ABCA3: variants seen among roughly 807,000 people sequenced by gnomAD.
The protein encoded by ABCA3 is phospholipid-transporting ATPase ABCA3.
In ABCA3, 88 loss-of-function variants were observed where a neutral mutation model predicts 172.8. The observed-to-expected ratio is 0.51, with a 90% CI of 0.43 to 0.61. ABCA3 has a LOEUF of 0.61. ABCA3 is among the 20% of genes least tolerant of loss of function. The pLI, the probability that ABCA3 is intolerant of heterozygous loss-of-function variation, is 0.00. For missense variants in ABCA3, 2,164 were observed against 2,301.0 expected, an observed-to-expected ratio of 0.94 and a Z score of 1.22; for synonymous variants, 1,066 against 983.8, an observed-to-expected ratio of 1.08 and a Z score of -1.56.
chr16:2,302,642 T>C (rs2093691308), intron 12 of ABCA3, among the ~76,000 whole-genome samples: 1 of 151,848 alleles, frequency 6.6e-6, no homozygotes, highest in South Asian at 2.1e-4. Context: ...GCCTGGCTAA[T>C]TTTTTAAATT....
Position 2,279,224 on chromosome 16 carries a change from C to T in ABCA3, c.4360-94G>A. Reference sequence around the variant, plus strand: ...GGGACTACCCTTGAGGTGCCCACCACTGCGCCTGTCTGTGGTTCCTGCCAG... The same window carrying T: ...GGGACTACCCTTGAGGTGCCCACCATTGCGCCTGTCTGTGGTTCCTGCCAG... On this transcript the variant is annotated intron_variant, in intron 28 of 32. Coordinates refer to ENST00000301732, the MANE Select transcript of ABCA3 (RefSeq NM_001089.3). This position sits in a 1 kb window ranked among gnomAD's most constrained non-coding sequence, Gnocchi z 4.4. The T allele has an allele frequency of 1.4e-6, 2 of 1,422,438 alleles. No homozygotes were observed. Among genetic ancestry groups the T allele is most frequent in the Non-Finnish European group, 9.6e-7 (1 of 1,038,342 alleles). 88.1% of individuals were successfully genotyped at this position (1,422,438 alleles called of 1,614,324 possible).
intron 10 of ABCA3, among the ~76,000 whole-genome samples, chr16:2,315,368 G>A (rs2093713604): frequency 6.6e-6 from 1 of 152,110 alleles, no homozygotes. Context: ...TCCCACTAAC[G>A]ATGAGTATCG....
chr16:2,295,564 G>A, intron 18 of ABCA3, 26 bp downstream of exon 18: 6 of 1,608,912 alleles, frequency 3.7e-6, no homozygotes, highest in Non-Finnish European at 5.1e-6. Context: ...ATGTATACCT[G>A]TGCGTGCCCT....
At chr16:2,338,716 G>C (rs367655559) in intron 1 of ABCA3, among the ~76,000 whole-genome samples, 28 of 149,674 alleles carry the variant, frequency 1.9e-4, no homozygotes, top group African/African-American at 6.4e-4. Context: ...TCTATCCTAA[G>C]ACCCCTCCAA....
At position 2,299,388 on chromosome 16, in the gene ABCA3, G is replaced by A. The variant is rs2093685298; in HGVS notation, c.1741+15C>T. The A allele has an allele frequency of 6.2e-7, 1 of 1,613,176 alleles. No individual in the cohort carries two copies. Among genetic ancestry groups the A allele is most frequent in the South Asian group, 1.1e-5 (1 of 91,082 alleles). The stretch of plus-strand genomic sequence containing the variant: ...GGCCTGCTGGTGGCAGGGGCGTGAG[G>A]CGCCTGGCCCTCACCTGTGAGCATG... On this transcript the variant is annotated intron_variant, in intron 14 of 32. Coordinates refer to ENST00000301732, the MANE Select transcript of ABCA3 (RefSeq NM_001089.3).
Position 2,284,171 on chromosome 16 carries a change from C to T in ABCA3, c.3862+108G>A. ...AGGCGGTACAGAGGAACGCACCAGC[C>T]CCAGGCCACTCAGACGCAGAGGAGC... On this transcript the variant is annotated intron_variant, in intron 25 of 32. Coordinates refer to ENST00000301732, the MANE Select transcript of ABCA3 (RefSeq NM_001089.3). The surrounding 1 kb of genome is among the most constrained non-coding windows in gnomAD (Gnocchi z 5.9). 7.2e-7 allele frequency: 1 copy of T among 1,392,850 alleles called. No individual in the cohort carries two copies. The highest frequency in any genetic ancestry group is 9.7e-7 in the Non-Finnish European group (1 of 1,035,046). The allele number at this position is 1,392,850 out of a possible 1,614,324, so 86.3% of individuals were successfully genotyped here.
intron 11 of ABCA3, among the ~76,000 whole-genome samples, chr16:2,306,203 G>C (rs972914074): frequency 6.6e-6 from 1 of 152,060 alleles, no homozygotes; most frequent in Non-Finnish European, 1.5e-5. Flanking sequence ...GCACGTGCCT[G>C]TAGTCCAGCT....
At chr16:2,300,561 T>C (rs1251999604) in intron 12 of ABCA3, among the ~76,000 whole-genome samples, 16 of 152,182 alleles carry the variant, frequency 1.1e-4, no homozygotes, top group Non-Finnish European at 8.8e-5. Context: ...CATGAGTTCA[T>C]GACTGTAAGC....
rs1176422619 is a variant in ABCA3, at chr16:2,279,815, C to T, written c.4360-685G>A. Among the ~76,000 whole-genome samples, 1 of 151,212 alleles carries T rather than the reference C, an allele frequency of 6.6e-6. No individual in the cohort carries two copies. Among genetic ancestry groups the T allele is most frequent in the East Asian group, 2.0e-4 (1 of 5,120 alleles). Reference sequence around the variant, plus strand: ...CTGGTAGAGCGCAGTGGCATGATCTCGGCTCACTACAACCTCTGCCTCCCA... The same window carrying T: ...CTGGTAGAGCGCAGTGGCATGATCTTGGCTCACTACAACCTCTGCCTCCCA... On this transcript the variant is annotated intron_variant, in intron 28 of 32. Transcript: ENST00000301732. This position sits in a 1 kb window ranked among gnomAD's most constrained non-coding sequence, Gnocchi z 4.4.
chr16:2,298,594 C>T, intron 14 of ABCA3, 54 bp from the exon 15 acceptor site: 1 of 1,601,718 alleles, frequency 6.2e-7, no homozygotes, highest in Non-Finnish European at 8.5e-7. Context: ...CTCGTCAGCA[C>T]CCGCGGTAAT....
intron 1 of ABCA3, among the ~76,000 whole-genome samples, chr16:2,335,764 A>G (rs533107704): frequency 6.6e-6 from 1 of 152,348 alleles, no homozygotes; most frequent in East Asian, 1.9e-4. Context: ...GTTGTGGTCA[A>G]TTAAAACAAA....
chr16:2,337,618 T>C (rs1440719645), intron 1 of ABCA3, among the ~76,000 whole-genome samples: 5 of 151,412 alleles, frequency 3.3e-5, no homozygotes, highest in Non-Finnish European at 7.4e-5. Flanking sequence ...ACTTGTGGCC[T>C]CAAGTGATCC....
intron 1 of ABCA3, chr16:2,339,148 C>A (rs1307658322): frequency 6.6e-6 from 1 of 152,270 alleles, no homozygotes; most frequent in African/African-American, 2.4e-5. Flanking sequence ...TCCACAGTCT[C>A]CGGAAGCAGG....
Position 2,279,120 on chromosome 16 carries a change from C to T in ABCA3, c.4370G>A (p.Arg1457Gln), listed in dbSNP as rs201226715. Reference protein sequence around the residue: ...ISSDVGKVRQRIGYCPQFDAL... With the variant: ...ISSDVGKVRQQIGYCPQFDAL... ...ATCAAACTGCGGGCAGTAGCCGATCCGCTGCCGCACCTGGGGTCGGAGCAT... is the reference window on the plus strand; with the variant it reads ...ATCAAACTGCGGGCAGTAGCCGATCTGCTGCCGCACCTGGGGTCGGAGCAT... Residue 1457 changes from arginine to glutamine, a missense_variant, in exon 29 of 33, where the codon CGG (arginine) becomes CAG (glutamine). Coordinates refer to ENST00000301732, the MANE Select transcript of ABCA3 (RefSeq NM_001089.3). The surrounding 1 kb of genome is among the most constrained non-coding windows in gnomAD (Gnocchi z 4.4). 116 of 1,611,524 alleles carry T rather than the reference C, an allele frequency of 7.2e-5. No homozygotes were observed. Among genetic ancestry groups the T allele is most frequent in the Admixed American group, 3.2e-4 (19 of 60,028 alleles).
chr16:2,296,858 C>T (rs145000112), intron 17 of ABCA3, among the ~76,000 whole-genome samples: 3 of 152,172 alleles, frequency 2.0e-5, no homozygotes, highest in East Asian at 1.9e-4. Context: ...TGCTCCACCC[C>T]GTTGGAATGT....
chr16:2,306,262 C>T (rs1259773824), intron 11 of ABCA3, among the ~76,000 whole-genome samples: 1 of 151,958 alleles, frequency 6.6e-6, no homozygotes, highest in Non-Finnish European at 1.5e-5. Context: ...GAGGTCGAGG[C>T]TACAGTGAGC....
intron 3 of ABCA3, 126 bp from the exon 4 acceptor site, chr16:2,326,618 C>A (rs1216061530): frequency 5.9e-6 from 6 of 1,021,472 alleles, no homozygotes; most frequent in South Asian, 4.1e-5. Context: ...ACTTTAACTC[C>A]AAACACCCCT....
intron 26 of ABCA3, among the ~76,000 whole-genome samples, chr16:2,282,403 A>T (rs1039832682): frequency 1.3e-5 from 2 of 152,208 alleles, no homozygotes; most frequent in African/African-American, 4.8e-5. Context: ...CTGGCCAAAG[A>T]TTTTAACACG....
chr16:2,297,300 C>A lies in ABCA3; in HGVS notation c.2263+29G>T. 1.2e-6 allele frequency: 2 copies of A among 1,606,430 alleles called. No homozygotes were observed. Among genetic ancestry groups the A allele is most frequent in the Non-Finnish European group, 1.7e-6 (2 of 1,179,350 alleles). On this transcript the variant is annotated intron_variant, in intron 17 of 32. Coordinates refer to ENST00000301732, the MANE Select transcript of ABCA3 (RefSeq NM_001089.3). This position sits in a 1 kb window ranked among gnomAD's most constrained non-coding sequence, Gnocchi z 5.6. ...CTCAGCACGGCAGCCAGGACACCGA[C>A]CCTGTCGCGGGCTGGCCCCACCGCT...
Sources: gnomAD v4.1 joint callset for allele counts (sites outside exome capture counted in the v4.1 genomes callset) on GRCh38, gnomAD v4.1.1 for gene constraint, Gnocchi (gnomAD v3.1) non-coding constraint, MANE v1.5 for transcripts, NCBI Gene and HGNC (gene_info 2026-07-23, HGNC 2026-07-21) for gene names.